The following GABRB2 variants were observed in gnomAD, a reference collection of about 807,000 sequenced individuals.
The protein encoded by GABRB2 is gamma-aminobutyric acid receptor subunit beta-2.
In GABRB2, 16 loss-of-function variants were observed where a neutral mutation model predicts 54.7. That is an observed-to-expected ratio of 0.29 (90% CI 0.20 to 0.44). The LOEUF is 0.44. Among genes scored for constraint, GABRB2 ranks in the 20% least tolerant of loss-of-function variants. The pLI, the probability that GABRB2 is intolerant of heterozygous loss-of-function variation, is 1.00. For missense variants in GABRB2, 355 were observed against 644.0 expected (o/e 0.55, Z 4.86); for synonymous variants, 244 against 233.8 (o/e 1.04, Z -0.40).
chr5:161,422,417 A>G (rs1294951712), intron 4 of GABRB2, among the ~76,000 whole-genome samples: 1 of 152,116 alleles, frequency 6.6e-6, no homozygotes, highest in Non-Finnish European at 1.5e-5. Flanking sequence ...CACATGATAT[A>G]ATAAAAAACA....
chr5:161,478,705 C>T lies in GABRB2; in HGVS notation c.238-18861G>A, dbSNP rs1237354189. Among the ~76,000 whole-genome samples, 6 of 152,108 alleles carry T rather than the reference C, an allele frequency of 3.9e-5. No individual in the cohort carries two copies. In the East Asian group the frequency reaches 9.7e-4, roughly 25 times the overall value. On this transcript the variant is annotated intron_variant, in intron 3 of 9. Coordinates refer to ENST00000393959, the MANE Select transcript of GABRB2 (RefSeq NM_001371727.1). ...TGGTTGAGTACAATGCATACTACAT[C>T]ATACAATGTGCCCTTCAGATAAATA...
At chr5:161,526,254 T>C (rs1173673094) in intron 3 of GABRB2, among the ~76,000 whole-genome samples, 3 of 151,564 alleles carry the variant, frequency 2.0e-5, no homozygotes, top group South Asian at 4.1e-4. Flanking sequence ...GTGTTCAAAA[T>C]GGTCAAACCA....
intron 4 of GABRB2, among the ~76,000 whole-genome samples, chr5:161,437,096 C>T (rs72813560): frequency 0.067 from 10,146 of 152,112 alleles, 469 homozygotes; most frequent in Middle Eastern, 0.088. Flanking sequence ...AGTCCTAGGG[C>T]GGATTTAGGC....
chr5:161,357,413 TG>T (rs912630898), intron 5 of GABRB2, among the ~76,000 whole-genome samples: 8 of 151,416 alleles, frequency 5.3e-5, no homozygotes, highest in Admixed American at 1.3e-4. Context: ...GAGTAGAAAA[TG>T]AGGTCAGAGA....
In GABRB2 at chr5:161,498,411, T is replaced by C. The variant is rs1759323040; in HGVS notation, c.238-38567A>G. 2.6e-5 allele frequency among the ~76,000 whole-genome samples: 4 copies of C among 152,248 alleles called. No individual in the cohort carries two copies. In the South Asian group the frequency reaches 8.3e-4, roughly 32 times the overall value. On this transcript the variant is annotated intron_variant, in intron 3 of 9. Transcript: ENST00000393959. ...GCATTTCTATTCTGTATCTATTGGC[T>C]TTGAGATGCTGGAGCTGAAATGACC...
chr5:161,430,061 G>A (rs1757132820), intron 4 of GABRB2, among the ~76,000 whole-genome samples: 1 of 152,048 alleles, frequency 6.6e-6, no homozygotes. Flanking sequence ...TCTGTCCTGA[G>A]GGCTAATGTT....
intron 5 of GABRB2, among the ~76,000 whole-genome samples, chr5:161,374,857 T>C (rs1386338065): frequency 6.6e-6 from 1 of 152,192 alleles, no homozygotes; most frequent in Non-Finnish European, 1.5e-5. Context: ...ATTATCTCCT[T>C]AAGCCCAATA....
intron 3 of GABRB2, among the ~76,000 whole-genome samples, chr5:161,525,813 T>C (rs1163585210): frequency 6.6e-6 from 1 of 151,352 alleles, no homozygotes; most frequent in African/African-American, 2.4e-5. Context: ...AGTTTCCCAG[T>C]ATTAAATAAA....
chr5:161,464,321 A>G (rs1030847329), intron 3 of GABRB2, among the ~76,000 whole-genome samples: 5 of 152,150 alleles, frequency 3.3e-5, no homozygotes, highest in Non-Finnish European at 7.4e-5. Context: ...AATATAGTAA[A>G]TAAGTTTATA....
intron 6 of GABRB2, among the ~76,000 whole-genome samples, chr5:161,335,755 G>C (rs909425086): frequency 3.3e-5 from 5 of 152,060 alleles, no homozygotes; most frequent in Admixed American, 6.6e-5. Flanking sequence ...GGAATTCAGC[G>C]GACCTCAAAC....
intron 5 of GABRB2, 45 bp from the exon 6 acceptor site, chr5:161,336,814 CAAAA>C: frequency 1.8e-6 from 2 of 1,105,772 alleles, no homozygotes; most frequent in South Asian, 2.0e-5. Context: ...ATACAGAAAA[CAAAA>C]AAAAAAAAAC....
rs144722247 is a variant in GABRB2 at position 161,447,152 on chromosome 5, T to C, written c.458+12472A>G. Among the ~76,000 whole-genome samples the C allele has an allele frequency of 1.5e-3, 230 of 152,288 alleles. 1 individual carries two copies. Among genetic ancestry groups the C allele is most frequent in the African/African-American group, 5.2e-3 (218 of 41,578 alleles). The stretch of plus-strand genomic sequence containing the variant: ...TAATCCCCTCAGTAATCCTACAAGA[T>C]AGGAACTATTAAGCCCTATTTTACT... On this transcript the variant is annotated intron_variant, in intron 4 of 9. Coordinates refer to ENST00000393959, the MANE Select transcript of GABRB2 (RefSeq NM_001371727.1).
intron 4 of GABRB2, among the ~76,000 whole-genome samples, chr5:161,427,743 CA>C (rs2113164457): frequency 6.6e-6 from 1 of 152,202 alleles, no homozygotes; most frequent in Non-Finnish European, 1.5e-5. Flanking sequence ...TTAATGACAA[CA>C]AGGGCTAGGT....
Position 161,294,235 on chromosome 5 carries a change from T to G in GABRB2, c.1385A>C (p.Gln462Pro), listed in dbSNP as rs761252178. The G allele has an allele frequency of 3.1e-6, 5 of 1,614,060 alleles. No homozygotes were observed. The highest frequency in any genetic ancestry group is 4.2e-6 in the Non-Finnish European group (5 of 1,180,020). ...GCGTCTCCTCAGGCGACTTTTCTTT[T>G]GCGCCACATGTCGTTCCAGAGCATT... is the stretch of plus-strand genomic sequence containing the variant. ...GRNALERHVA[Q>P]KKSRLRRRAS... is the part of the protein sequence containing the mutation. Residue 462 changes from glutamine (Q) to proline (P), a missense_variant, in exon 10 of 10, where the codon CAA becomes CCA. Physicochemically the swap from Gln to Pro is moderately conservative, Grantham distance 76. Coordinates refer to ENST00000393959, the MANE Select transcript of GABRB2 (RefSeq NM_001371727.1).
Position 161,459,753 on chromosome 5 carries a change from C to T in GABRB2, c.329G>A (p.Arg110Lys). 1 of 1,613,940 alleles carries T rather than the reference C, an allele frequency of 6.2e-7. No individual in the cohort carries two copies. The highest frequency in any genetic ancestry group is 8.5e-7 in the Non-Finnish European group (1 of 1,179,934). The change falls in exon 4 of 10, where the codon AGA becomes AAA. Residue 110 changes from arginine (R) to lysine (K), a missense_variant. Coordinates refer to ENST00000393959, the MANE Select transcript of GABRB2 (RefSeq NM_001371727.1). ...VIPLNLTLDN[R>K]VADQLWVPDT... ...AGGCACCCAGAGCTGGTCTGCCACT[C>T]TGTTGTCCAGAGTCAAGTTTAAAGG...
chr5:161,327,187 G>A (rs1187751761), intron 8 of GABRB2, among the ~76,000 whole-genome samples: 6 of 152,178 alleles, frequency 3.9e-5, no homozygotes, highest in African/African-American at 1.4e-4. Flanking sequence ...TAGACCTCAT[G>A]TTGGTTTAAA....
intron 3 of GABRB2, among the ~76,000 whole-genome samples, chr5:161,472,308 A>T (rs1191349302): frequency 6.6e-6 from 1 of 151,690 alleles, no homozygotes; most frequent in Non-Finnish European, 1.5e-5. Flanking sequence ...TGTTCTTAGT[A>T]CTATACTAAG....
chr5:161,331,140 G>A lies in GABRB2; in HGVS notation c.833-13C>T. 6.5e-7 allele frequency: 1 copy of A among 1,531,962 alleles called. No individual in the cohort carries two copies. 94.9% of individuals were successfully genotyped at this position (1,531,962 alleles called of 1,614,324 possible). A position where few individuals can be genotyped will look rare whatever the true frequency, so the allele number is the denominator to read the frequency against. On this transcript the variant is annotated splice_polypyrimidine_tract_variant and intron_variant, in intron 7 of 9. Transcript: ENST00000393959. ...ACAGTTGTGATTCCTGAAAAAAAAT[G>A]GGAGAGTTAGAGTAATAATGTTCCT...
At chr5:161,497,666 A>G (rs1040592969) in intron 3 of GABRB2, among the ~76,000 whole-genome samples, 12 of 152,100 alleles carry the variant, frequency 7.9e-5, no homozygotes, top group Admixed American at 2.0e-4. Context: ...AATCAAGACA[A>G]TAATACCAAC....
Sources: gnomAD v4.1 joint callset for allele counts (sites outside exome capture counted in the v4.1 genomes callset) on GRCh38, gnomAD v4.1.1 for gene constraint, MANE v1.5 for transcripts, NCBI Gene and HGNC (gene_info 2026-07-23, HGNC 2026-07-21) for gene names.